The following PCDHGA1 variants were observed in gnomAD, a reference collection of about 807,000 sequenced individuals.
PCDHGA1 encodes the protein protocadherin gamma subfamily A, 1.
A neutral mutation model predicts 58.0 loss-of-function variants in PCDHGA1; 32 were observed. The ratio of observed to expected loss-of-function variants is 0.55; its 90% CI spans 0.42 to 0.74. PCDHGA1 has a LOEUF of 0.74. PCDHGA1 is among the 30% of genes least tolerant of loss of function. The pLI, the probability that PCDHGA1 is intolerant of heterozygous loss-of-function variation, is 0.00. For synonymous variants in PCDHGA1, 498 were observed against 501.1 expected, an observed-to-expected ratio of 0.99 and a Z score of 0.08; for missense variants, 1,205 against 1,182.3, an observed-to-expected ratio of 1.02 and a Z score of -0.28.
intron 1 of PCDHGA1, chr5:141,339,229 T>C (rs1473121072): frequency 6.2e-7 from 1 of 1,614,228 alleles, no homozygotes. Flanking sequence ...GCTTGGTCAC[T>C]GCGAACAGGA....
chr5:141,398,910 G>T, intron 1 of PCDHGA1: 1 of 1,613,972 alleles, frequency 6.2e-7, no homozygotes, highest in Non-Finnish European at 8.5e-7. Flanking sequence ...GCACCACTGT[G>T]TTGCAAGTGT....
intron 1 of PCDHGA1, among the ~76,000 whole-genome samples, chr5:141,472,245 T>A (rs1217786736): frequency 6.6e-6 from 1 of 152,144 alleles, no homozygotes; most frequent in East Asian, 1.9e-4. Context: ...ACTTTCTATT[T>A]TAAAGTTATA....
chr5:141,382,577 A>T (rs533715089), intron 1 of PCDHGA1, among the ~76,000 whole-genome samples: 47 of 152,338 alleles, frequency 3.1e-4, no homozygotes, highest in Middle Eastern at 6.8e-3. Flanking sequence ...TCTAACAGGG[A>T]AATTTTGAAA....
Position 141,431,248 on chromosome 5 carries a change from G to A in PCDHGA1, c.2422-63559G>A. ...CCCACGCCTGGGATCCGGATATCGGGAAGAACTCTCTGCAGAGCTACGAGC... is the reference window on the plus strand; with the variant it reads ...CCCACGCCTGGGATCCGGATATCGGAAAGAACTCTCTGCAGAGCTACGAGC... On this transcript the variant is annotated intron_variant, in intron 1 of 3. Transcript: ENST00000517417. This position sits in a 1 kb window ranked among gnomAD's most constrained non-coding sequence, Gnocchi z 4.8. 2 of 1,614,140 alleles carry A rather than the reference G, an allele frequency of 1.2e-6. No homozygotes were observed. Among genetic ancestry groups the A allele is most frequent in the Non-Finnish European group, 1.7e-6 (2 of 1,180,048 alleles).
At chr5:141,421,520 A>G (rs749034718) in intron 1 of PCDHGA1, 2 of 1,614,068 alleles carry the variant, frequency 1.2e-6, no homozygotes, top group Non-Finnish European at 8.5e-7. Flanking sequence ...GAGCTCTGTG[A>G]GACGGTGTCC....
At chr5:141,388,558 C>G in intron 1 of PCDHGA1, 1 of 1,613,910 alleles carries the variant, frequency 6.2e-7, no homozygotes, top group Non-Finnish European at 8.5e-7. Context: ...CTAAGCAGCA[C>G]TGCACAGATA....
chr5:141,489,211 A>G lies in PCDHGA1; in HGVS notation c.2422-5596A>G, dbSNP rs1206929838. On this transcript the variant is annotated intron_variant, in intron 1 of 3. Coordinates refer to ENST00000517417, the MANE Select transcript of PCDHGA1 (RefSeq NM_018912.3). This position sits in a 1 kb window ranked among gnomAD's most constrained non-coding sequence, Gnocchi z 4.5. The stretch of plus-strand genomic sequence containing the variant: ...CTACCTTGGAGACAGGACAGCACAG[A>G]CTTACTCTCCACAAAGGGACTTCTG... 2 of 1,462,498 alleles carry G rather than the reference A, an allele frequency of 1.4e-6. No individual in the cohort carries two copies. Among genetic ancestry groups the G allele is most frequent in the Non-Finnish European group, 1.8e-6 (2 of 1,081,560 alleles). The allele number at this position is 1,462,498 out of a possible 1,614,324, so 90.6% of individuals were successfully genotyped here. A position where few individuals can be genotyped will look rare whatever the true frequency, so the allele number is the denominator to read the frequency against.
rs528069305 is a variant in PCDHGA1, at chr5:141,457,143, T to A, written c.2422-37664T>A. Among the ~76,000 whole-genome samples the A allele has an allele frequency of 5.3e-5, 8 of 152,334 alleles. No homozygotes were observed. In the South Asian group the frequency reaches 1.5e-3, roughly 28 times the overall value. On this transcript the variant is annotated intron_variant, in intron 1 of 3. Transcript: ENST00000517417. ...ATGGAAACTCTGTCCAATATTTCAG[T>A]TAGAAGGTGCTACCATGGATAACCC...
intron 1 of PCDHGA1, among the ~76,000 whole-genome samples, chr5:141,454,859 G>A (rs2098805080): frequency 7.9e-6 from 1 of 126,982 alleles, no homozygotes; most frequent in African/African-American, 3.1e-5. Flanking sequence ...CCAGGCTGGA[G>A]TGCAGTGGCA....
chr5:141,359,485 A>G (rs1761228046), intron 1 of PCDHGA1, among the ~76,000 whole-genome samples: 2 of 151,316 alleles, frequency 1.3e-5, no homozygotes, highest in Non-Finnish European at 2.9e-5. Flanking sequence ...TTGTATATTC[A>G]TATTACGGAC....
chr5:141,356,257 A>G (rs757847704), intron 1 of PCDHGA1: 1 of 1,569,886 alleles, frequency 6.4e-7, no homozygotes, highest in Admixed American at 1.9e-5. Flanking sequence ...TACATCTCTC[A>G]CCAGCTCAGT....
chr5:141,489,348 G>T lies in PCDHGA1; in HGVS notation c.2422-5459G>T. On this transcript the variant is annotated intron_variant, in intron 1 of 3. Coordinates refer to ENST00000517417, the MANE Select transcript of PCDHGA1 (RefSeq NM_018912.3). The surrounding 1 kb of genome is among the most constrained non-coding windows in gnomAD (Gnocchi z 4.5). ...CTGGGCAGCTTCGTTACTCAGTGGT[G>T]GAGGAGTCTGAGCCGGGGACGCTGG... is the stretch of plus-strand genomic sequence containing the variant. 1 of 1,611,876 alleles carries T rather than the reference G, an allele frequency of 6.2e-7. No homozygotes were observed. The highest frequency in any genetic ancestry group is 8.5e-7 in the Non-Finnish European group (1 of 1,178,502).
rs375601709 is a variant in PCDHGA1, at chr5:141,332,691, C to T, written c.2007C>T (p.Ser669=). ...CCGTGGCCGTGGCCGACAGGATCTC[C>T]GACATCCTGGCCGACCTGGGCAGCC... ...TLTVAVADRI[S]DILADLGSLE... The change falls in exon 1 of 4, where the codon TCC becomes TCT. Residue 669 remains serine (S), a synonymous_variant. Transcript: ENST00000517417. The surrounding 1 kb of genome is among the most constrained non-coding windows in gnomAD (Gnocchi z 4.6). 6.2e-7 allele frequency: 1 copy of T among 1,613,740 alleles called. No individual in the cohort carries two copies. The highest frequency in any genetic ancestry group is 1.3e-5 in the African/African-American group (1 of 74,930).
At chr5:141,380,678 T>C (rs1387633000) in intron 1 of PCDHGA1, among the ~76,000 whole-genome samples, 3 of 152,250 alleles carry the variant, frequency 2.0e-5, no homozygotes, top group Non-Finnish European at 4.4e-5. Flanking sequence ...AGGGTATGTA[T>C]GCTTTGTGTT....
At chr5:141,438,633 TATAC>T (rs1373299550) in intron 1 of PCDHGA1, among the ~76,000 whole-genome samples, 3,683 of 33,472 alleles carry the variant, frequency 0.11, 56 homozygotes, top group Non-Finnish European at 0.14. Flanking sequence ...TATATATATA[TATAC>T]ACACACACAC....
chr5:141,391,359 C>T (rs2092363338), intron 1 of PCDHGA1: 1 of 149,724 alleles, frequency 6.7e-6, no homozygotes, highest in African/African-American at 2.5e-5. Flanking sequence ...GTTACTCAGG[C>T]TGTAGTGCAG....
Position 141,490,618 on chromosome 5 carries a change from A to C in PCDHGA1, c.2422-4189A>C. The C allele has an allele frequency of 6.2e-7, 1 of 1,614,104 alleles. No homozygotes were observed. Among genetic ancestry groups the C allele is most frequent in the South Asian group, 1.1e-5 (1 of 91,080 alleles). ...ACCCCGCTTCAACCAGCAGCTTTAC[A>C]CTGCTTACATCCTAGAAAACCGGCC... On this transcript the variant is annotated intron_variant, in intron 1 of 3. Coordinates refer to ENST00000517417, the MANE Select transcript of PCDHGA1 (RefSeq NM_018912.3). This position sits in a 1 kb window ranked among gnomAD's most constrained non-coding sequence, Gnocchi z 5.4.
chr5:141,396,720 C>T (rs1432240411), intron 1 of PCDHGA1: 1 of 151,964 alleles, frequency 6.6e-6, no homozygotes, highest in Non-Finnish European at 1.5e-5. Flanking sequence ...AAGCTAATAC[C>T]TGAATTGATT....
At chr5:141,502,356 G>C (rs1443285213) in intron 2 of PCDHGA1, among the ~76,000 whole-genome samples, 4 of 151,838 alleles carry the variant, frequency 2.6e-5, no homozygotes. Flanking sequence ...TAATGACATG[G>C]ATATTTTTAA....
Sources: gnomAD v4.1 joint callset for allele counts (sites outside exome capture counted in the v4.1 genomes callset) on GRCh38, gnomAD v4.1.1 for gene constraint, Gnocchi (gnomAD v3.1) non-coding constraint, MANE v1.5 for transcripts, NCBI Gene and HGNC (gene_info 2026-07-23, HGNC 2026-07-21) for gene names.